Variants in NME7 observed in about 807,000 individuals in gnomAD.
NME7 encodes nucleoside diphosphate kinase 7.
In NME7, 41 loss-of-function variants were observed where a neutral mutation model predicts 49.1. That is an observed-to-expected ratio of 0.83 (90% CI 0.65 to 1.08). The LOEUF is 1.08. Ranked by LOEUF, NME7 falls within the 50% of genes least tolerant of loss-of-function variation. The probability of loss-of-function intolerance (pLI) is 0.00; values close to 1 mark genes in which losing one functional copy is unlikely to be tolerated. For missense variants in NME7, 423 were observed against 463.4 expected (o/e 0.91, Z 0.80); for synonymous variants, 139 against 150.6 (o/e 0.92, Z 0.56).
intron 7 of NME7, among the ~76,000 whole-genome samples, chr1:169,263,133 A>G (rs1207102714): frequency 7.5e-6 from 1 of 134,020 alleles, no homozygotes; most frequent in Non-Finnish European, 1.8e-5. Context: ...AACTGGAGGA[A>G]TATCAGCCCA....
chr1:169,361,138 TC>T (rs1653637957), intron 1 of NME7, among the ~76,000 whole-genome samples: 1 of 152,052 alleles, frequency 6.6e-6, no homozygotes, highest in East Asian at 1.9e-4. Context: ...AAATACTTTC[TC>T]GAATAGAAGA....
At chr1:169,319,168 G>A (rs1651764868) in intron 3 of NME7, among the ~76,000 whole-genome samples, 1 of 151,718 alleles carries the variant, frequency 6.6e-6, no homozygotes, top group Non-Finnish European at 1.5e-5. Context: ...CCTGAACACT[G>A]AAGTTGTTTC....
intron 1 of NME7, among the ~76,000 whole-genome samples, chr1:169,330,651 T>G (rs1652220174): frequency 6.6e-6 from 1 of 151,910 alleles, no homozygotes; most frequent in Admixed American, 6.6e-5. Context: ...TGCACTCCAG[T>G]CTGGTGACAG....
intron 1 of NME7, among the ~76,000 whole-genome samples, chr1:169,351,833 A>G (rs1235543855): frequency 6.6e-6 from 1 of 152,040 alleles, no homozygotes; most frequent in Admixed American, 6.6e-5. Context: ...TAAAAAATCA[A>G]AAACTTCCTA....
intron 1 of NME7, among the ~76,000 whole-genome samples, chr1:169,362,894 G>C (rs1466041495): frequency 1.3e-5 from 2 of 152,134 alleles, no homozygotes; most frequent in Non-Finnish European, 2.9e-5. Flanking sequence ...TAGATCAAAA[G>C]AGGAATAAGA....
chr1:169,309,443 C>G (rs1651298928), intron 4 of NME7, among the ~76,000 whole-genome samples: 1 of 152,132 alleles, frequency 6.6e-6, no homozygotes, highest in Non-Finnish European at 1.5e-5. Flanking sequence ...CCACCAGCAC[C>G]ATGACAGCTG....
chr1:169,323,018 T>C, intron 3 of NME7, 99 bp downstream of exon 3: 1 of 931,768 alleles, frequency 1.1e-6, no homozygotes, highest in Non-Finnish European at 1.5e-6. Context: ...TTCCAGGTCC[T>C]ATCCATCCTC....
rs914850712 is a variant in NME7, at chr1:169,268,443, A to C, written c.754+18860T>G. 6.7e-5 allele frequency among the ~76,000 whole-genome samples: 9 copies of C among 134,100 alleles called. 1 individual carries two copies. The highest frequency in any genetic ancestry group is 2.3e-4 in the African/African-American group (9 of 39,606). The allele number at this position is 134,100 out of a possible 152,430, so 88.0% of individuals were successfully genotyped here. A position where few individuals can be genotyped will look rare whatever the true frequency, so the allele number is the denominator to read the frequency against. On this transcript the variant is annotated intron_variant, in intron 7 of 11. Transcript: ENST00000367811. ...ACACAGCAATCCCATTACTGGGTAC[A>C]TACCCAGAGGAATATAAATCATTCT...
intron 1 of NME7, among the ~76,000 whole-genome samples, chr1:169,362,710 A>C (rs1056745272): frequency 8.5e-5 from 13 of 152,220 alleles, no homozygotes; most frequent in Non-Finnish European, 1.3e-4. Flanking sequence ...GGCTAGACTG[A>C]ACACAGAGAA....
In NME7 at chr1:169,270,295, A is replaced by G. The variant is rs541416670; in HGVS notation, c.754+17008T>C. On this transcript the variant is annotated intron_variant, in intron 7 of 11. Coordinates refer to ENST00000367811, the MANE Select transcript of NME7 (RefSeq NM_013330.5). Reference sequence around the variant, plus strand: ...CAGGGTTCTACTACTCAATAAAAAGACTAAATTGTTTCTCCATTACAAGTA... The same window carrying G: ...CAGGGTTCTACTACTCAATAAAAAGGCTAAATTGTTTCTCCATTACAAGTA... Among the ~76,000 whole-genome samples the G allele has an allele frequency of 6.0e-5, 8 of 134,080 alleles. 2 individuals are homozygous for G. The East Asian group carries it at 1.2e-3, about 20-fold the overall frequency. 88.0% of individuals were successfully genotyped at this position (134,080 alleles called of 152,430 possible). A position where few individuals can be genotyped will look rare whatever the true frequency, so the allele number is the denominator to read the frequency against.
At chr1:169,321,592 C>T (rs1011719162) in intron 3 of NME7, among the ~76,000 whole-genome samples, 4 of 151,992 alleles carry the variant, frequency 2.6e-5, no homozygotes, top group Non-Finnish European at 5.9e-5. Context: ...AATTTCTGTC[C>T]TATTTCAAAG....
At chr1:169,218,659 ATTTTTTTTT>A (rs34342694) in intron 10 of NME7, among the ~76,000 whole-genome samples, 3 of 118,176 alleles carry the variant, frequency 2.5e-5, no homozygotes, top group Admixed American at 1.8e-4. Flanking sequence ...CCAATTTTGA[ATTTTTTTTT>A]TTTTTTTTTT....
At chr1:169,340,968 T>C (rs1257258255) in intron 1 of NME7, among the ~76,000 whole-genome samples, 1 of 152,188 alleles carries the variant, frequency 6.6e-6, no homozygotes, top group Non-Finnish European at 1.5e-5. Flanking sequence ...AGCCTGGCCC[T>C]GTGGTAGAAA....
chr1:169,358,488 C>CA (rs1317163863), intron 1 of NME7, among the ~76,000 whole-genome samples: 1 of 151,900 alleles, frequency 6.6e-6, no homozygotes, highest in Non-Finnish European at 1.5e-5. Flanking sequence ...AAAATAAGTA[C>CA]ACAAGAGAGG....
chr1:169,329,274 T>G (rs1211963790), intron 1 of NME7, among the ~76,000 whole-genome samples: 1 of 152,080 alleles, frequency 6.6e-6, no homozygotes, highest in Non-Finnish European at 1.5e-5. Flanking sequence ...TCAACTTCCT[T>G]GTTCCTAAAT....
intron 10 of NME7, among the ~76,000 whole-genome samples, chr1:169,177,430 A>G (rs1659784202): frequency 6.6e-6 from 1 of 152,156 alleles, no homozygotes; most frequent in African/African-American, 2.4e-5. Context: ...CTTTAAAAAA[A>G]CATAAGTTGA....
intron 11 of NME7, among the ~76,000 whole-genome samples, chr1:169,137,288 T>C (rs1658460705): frequency 1.3e-5 from 2 of 152,238 alleles, no homozygotes; most frequent in South Asian, 2.1e-4. Context: ...AAATTCTTAA[T>C]GAATTTTGAA....
chr1:169,150,347 G>A (rs1239656156), intron 11 of NME7, among the ~76,000 whole-genome samples: 1 of 152,052 alleles, frequency 6.6e-6, no homozygotes, highest in Non-Finnish European at 1.5e-5. Flanking sequence ...AAAAAGGTAA[G>A]GTATATTGTA....
rs143254110 is a variant in NME7 at position 169,290,797 on chromosome 1, A to G, written c.649-3389T>C. Among the ~76,000 whole-genome samples the G allele has an allele frequency of 7.0e-3, 1,063 of 152,314 alleles. 12 individuals are homozygous for G. Among genetic ancestry groups the G allele is most frequent in the Non-Finnish European group, 0.01 (702 of 68,038 alleles). On this transcript the variant is annotated intron_variant, in intron 6 of 11. Coordinates refer to ENST00000367811, the MANE Select transcript of NME7 (RefSeq NM_013330.5). ...CAAAGGGCTACTGTCCAGAATCTAC[A>G]AGGAACTTAAACACATTTACAAGAA...
Sources: allele counts gnomAD v4.1 joint callset (sites outside exome capture counted in the v4.1 genomes callset), GRCh38; gene constraint gnomAD v4.1.1; transcripts MANE v1.5; gene names NCBI Gene and HGNC (gene_info 2026-07-23, HGNC 2026-07-21).